Variants in PHGDH observed in about 807,000 individuals in gnomAD.
PHGDH encodes the protein phosphoglycerate dehydrogenase.
In PHGDH, 50 loss-of-function variants were observed where a neutral mutation model predicts 52.6. That is an observed-to-expected ratio of 0.95 (90% CI 0.76 to 1.20). The LOEUF is 1.20. Ranked by LOEUF, PHGDH falls within the 50% of genes most tolerant of loss-of-function variation. The probability of loss-of-function intolerance (pLI) is 0.00; values close to 1 mark genes in which losing one functional copy is unlikely to be tolerated. For missense variants in PHGDH, 630 were observed against 684.6 expected, an observed-to-expected ratio of 0.92 and a Z score of 0.89; for synonymous variants, 271 against 280.5, an observed-to-expected ratio of 0.97 and a Z score of 0.34.
chr1:119,726,094 T>C, intron 3 of PHGDH, among the ~76,000 whole-genome samples: 1 of 152,044 alleles, frequency 6.6e-6, no homozygotes, highest in African/African-American at 2.4e-5. Context: ...GTTGCCCTAA[T>C]TGCCACTTCC....
rs1350420297 is a variant in PHGDH at position 119,712,827 on chromosome 1, C to T, written c.138+667C>T. On this transcript the variant is annotated intron_variant, in intron 1 of 11. Coordinates refer to ENST00000641023, the MANE Select transcript of PHGDH (RefSeq NM_006623.4). ...CAAGACTGCTCCGTGCTTTCGCCGC[C>T]CCTCTGCCTCCTGGGAGCCTTCGGA... 4.6e-5 allele frequency among the ~76,000 whole-genome samples: 7 copies of T among 152,292 alleles called. No individual in the cohort carries two copies. The East Asian group carries it at 7.7e-4, about 17-fold the overall frequency.
chr1:119,742,063 C>G, intron 10 of PHGDH, 166 bp downstream of exon 10: 1 of 662,588 alleles, frequency 1.5e-6, no homozygotes, highest in Non-Finnish European at 2.7e-6. Flanking sequence ...AATGAAGATA[C>G]TGCCTGGCCC....
chr1:119,716,762 TACCA>T (rs1650954324), intron 1 of PHGDH, among the ~76,000 whole-genome samples: 4 of 152,112 alleles, frequency 2.6e-5, no homozygotes, highest in Admixed American at 2.0e-4. Flanking sequence ...CTCAGTGTGT[TACCA>T]ATTTTCTAAG....
Position 119,734,681 on chromosome 1 carries a change from T to C in PHGDH, c.558T>C (p.Phe186=). 1 of 1,614,118 alleles carries C rather than the reference T, an allele frequency of 6.2e-7. No homozygotes were observed. The highest frequency in any genetic ancestry group is 8.5e-7 in the Non-Finnish European group (1 of 1,179,932). ...TTTCCCCAGAGGTCTCGGCCTCCTT[T>C]GGTGTTCAGCAGCTGCCCCTGGAGG... ...PIISPEVSAS[F]GVQQLPLEEI... The change falls in exon 6 of 12, where the codon TTT becomes TTC. Residue 186 remains phenylalanine (F), a synonymous_variant. Coordinates refer to ENST00000641023, the MANE Select transcript of PHGDH (RefSeq NM_006623.4).
intron 2 of PHGDH, among the ~76,000 whole-genome samples, chr1:119,722,576 G>A (rs1651217327): frequency 6.6e-6 from 1 of 152,018 alleles, no homozygotes; most frequent in African/African-American, 2.4e-5. Flanking sequence ...GACAGGTGGA[G>A]ATTACTAATA....
At chr1:119,742,752 G>A in intron 10 of PHGDH, 55 bp from the exon 11 acceptor site, 1 of 1,067,374 alleles carries the variant, frequency 9.4e-7, no homozygotes, top group Non-Finnish European at 1.4e-6. Context: ...CAAGAGAGGA[G>A]GGTGGACGTG....
intron 3 of PHGDH, 107 bp downstream of exon 3, chr1:119,723,548 C>T (rs1305501041): frequency 2.3e-6 from 2 of 869,516 alleles, no homozygotes; most frequent in Non-Finnish European, 3.9e-6. Flanking sequence ...GTCTCAGCGA[C>T]TTGCAGACTG....
At position 119,726,179 on chromosome 1, in the gene PHGDH, A is replaced by AGAGTGT. The variant is rs1480411068; in HGVS notation, c.357-671_357-670insAGTGTG. Among the ~76,000 whole-genome samples, 12 of 131,264 alleles carry AGAGTGT rather than the reference A, an allele frequency of 9.1e-5. 2 individuals carry two copies. Among genetic ancestry groups the AGAGTGT allele is most frequent in the Middle Eastern group, 3.8e-3 (1 of 266 alleles). 86.1% of individuals were successfully genotyped at this position (131,264 alleles called of 152,430 possible). A position where few individuals can be genotyped will look rare whatever the true frequency, so the allele number is the denominator to read the frequency against. On this transcript the variant is annotated intron_variant, in intron 3 of 11. Transcript: ENST00000641023. ...TAATAGGAGGAGACAGGCTGTGAAG[A>AGAGTGT]GTGTGTGTGTGTGTGTGTGTGTGTG...
At chr1:119,714,079 C>T (rs141522041) in intron 1 of PHGDH, among the ~76,000 whole-genome samples, 33 of 152,286 alleles carry the variant, frequency 2.2e-4, no homozygotes, top group African/African-American at 7.9e-4. Context: ...TGGGAGGGCT[C>T]AGCTTTCTTG....
At chr1:119,736,115 G>A (rs1210472868) in intron 7 of PHGDH, among the ~76,000 whole-genome samples, 4 of 152,186 alleles carry the variant, frequency 2.6e-5, no homozygotes, top group South Asian at 2.1e-4. Flanking sequence ...GTTGTGGTTC[G>A]CAGGTTACTA....
At chr1:119,728,079 A>C (rs1651525900) in intron 5 of PHGDH, among the ~76,000 whole-genome samples, 1 of 152,156 alleles carries the variant, frequency 6.6e-6, no homozygotes. Flanking sequence ...ATAATGAGCC[A>C]GGGGGTCAGT....
chr1:119,738,784 G>A (rs1177036277), intron 8 of PHGDH, among the ~76,000 whole-genome samples: 1 of 152,008 alleles, frequency 6.6e-6, no homozygotes, highest in African/African-American at 2.4e-5. Flanking sequence ...AGGGGGTGGG[G>A]GAGGGAGGGG....
chr1:119,732,453 A>G (rs999075820), intron 5 of PHGDH, among the ~76,000 whole-genome samples: 5 of 152,196 alleles, frequency 3.3e-5, no homozygotes, highest in African/African-American at 1.2e-4. Context: ...TCTGTATATT[A>G]GGACATCTGA....
In PHGDH at chr1:119,712,098, G is replaced by A; in HGVS notation, c.76G>A (p.Gly26Arg). Residue 26 changes from glycine to arginine, a missense_variant, in exon 1 of 12, where the codon GGA (glycine) becomes AGA (arginine). Physicochemically the swap from Gly to Arg is moderately radical, Grantham distance 125. Transcript: ENST00000641023. Reference sequence around the variant, plus strand: ...TTGCTGCCGGAAGATCTTGCAAGATGGAGGGCTGCAGGTGGTGGAAAAGCA... The same window carrying A: ...TTGCTGCCGGAAGATCTTGCAAGATAGAGGGCTGCAGGTGGTGGAAAAGCA... ...DPCCRKILQDGGLQVVEKQNL... is the reference protein window; with the variant it reads ...DPCCRKILQDRGLQVVEKQNL... 2 of 1,614,110 alleles carry A rather than the reference G, an allele frequency of 1.2e-6. No individual in the cohort carries two copies. Among genetic ancestry groups the A allele is most frequent in the Admixed American group, 1.7e-5 (1 of 60,036 alleles).
chr1:119,741,564 A>G (rs1363273881), intron 9 of PHGDH, among the ~76,000 whole-genome samples: 1 of 152,138 alleles, frequency 6.6e-6, no homozygotes, highest in African/African-American at 2.4e-5. Context: ...TGGTTAAAAC[A>G]TCCTGGGTTT....
intron 5 of PHGDH, chr1:119,727,356 G>A: frequency 1.8e-6 from 1 of 544,546 alleles, no homozygotes; most frequent in Non-Finnish European, 3.3e-6. Context: ...AGTGAACCAG[G>A]TGTTGATGGC....
intron 9 of PHGDH, 64 bp downstream of exon 9, chr1:119,740,582 C>T: frequency 1.4e-6 from 2 of 1,395,176 alleles, no homozygotes; most frequent in South Asian, 1.3e-5. Context: ...ATCTGCCCTG[C>T]TGGGTGTATT....
At chr1:119,714,181 T>C (rs1650820121) in intron 1 of PHGDH, among the ~76,000 whole-genome samples, 1 of 152,192 alleles carries the variant, frequency 6.6e-6, no homozygotes, top group African/African-American at 2.4e-5. Context: ...TGCCTTTTTA[T>C]TCTGCATGAA....
At chr1:119,734,221 C>A in intron 5 of PHGDH, 1 of 321,378 alleles carries the variant, frequency 3.1e-6, no homozygotes, top group Non-Finnish European at 6.1e-6. Context: ...CTCAGGACTC[C>A]CTGCTTTCTA....
Sources: gnomAD v4.1 joint callset for allele counts (sites outside exome capture counted in the v4.1 genomes callset) on GRCh38, gnomAD v4.1.1 for gene constraint, MANE v1.5 for transcripts, NCBI Gene and HGNC (gene_info 2026-07-23, HGNC 2026-07-21) for gene names.